The following ZNF667 variants were observed in gnomAD, a reference collection of about 807,000 sequenced individuals.
ZNF667 encodes the protein myocardial ischemic preconditioning upregulated 1 ortholog.
A neutral mutation model predicts 31.8 loss-of-function variants in ZNF667; 13 were observed. The observed-to-expected ratio is 0.41, with a 90% CI of 0.27 to 0.65. ZNF667 has a LOEUF of 0.65. Among genes scored for constraint, ZNF667 ranks in the 30% least tolerant of loss-of-function variants. ZNF667 has a pLI of 0.32. For synonymous variants in ZNF667, 228 were observed against 247.1 expected (o/e 0.92, Z 0.73); for missense variants, 642 against 725.6 (o/e 0.88, Z 1.32).
In ZNF667 at chr19:56,440,057, A is replaced by C. The variant is rs779895681; in HGVS notation, c.*1105T>G. ...CCTCCCAAATGCCTCATTTCCAAGT[A>C]ACATCACATTGATGGTGAGGATTTT... On this transcript the variant is annotated 3_prime_UTR_variant, in exon 7 of 7. Coordinates refer to ENST00000504904, the MANE Select transcript of ZNF667 (RefSeq NM_001321356.2). 2 of 152,190 alleles carry C rather than the reference A, an allele frequency of 1.3e-5. No homozygotes were observed. Among genetic ancestry groups the C allele is most frequent in the Non-Finnish European group, 2.9e-5 (2 of 68,038 alleles). The allele number at this position is 152,190 out of a possible 1,614,324, so 9.4% of individuals were successfully genotyped here.
rs1471749542 is a variant in ZNF667 at position 56,440,783 on chromosome 19, C to G, written c.*379G>C. ...TCTCCAGTAGCTGAGATTACAGGTG[C>G]GCACCACCACGCCCAGCTAATTTTG... On this transcript the variant is annotated 3_prime_UTR_variant, in exon 7 of 7. Coordinates refer to ENST00000504904, the MANE Select transcript of ZNF667 (RefSeq NM_001321356.2). 10 of 538,902 alleles carry G rather than the reference C, an allele frequency of 1.9e-5. No homozygotes were observed. Among genetic ancestry groups the G allele is most frequent in the Non-Finnish European group, 2.5e-5 (10 of 407,424 alleles). The allele number at this position is 538,902 out of a possible 1,614,324, so 33.4% of individuals were successfully genotyped here.
chr19:56,458,198 T>C lies in ZNF667; in HGVS notation c.210A>G (p.Lys70=), dbSNP rs2042972926. Residue 70 remains lysine, a synonymous_variant, in exon 6 of 7, where the codon AAA becomes AAG. Transcript: ENST00000504904. ...TTACTGGCTCTACCATCCAGGGTGC[T>C]TTCCCTTTCTCCAATAAGGTGATCA... is the stretch of plus-strand genomic sequence containing the variant. ...PNVITLLEKG[K]APWMVEPVRR... 2.5e-6 allele frequency: 4 copies of C among 1,614,060 alleles called. No individual in the cohort carries two copies. The highest frequency in any genetic ancestry group is 8.5e-7 in the Non-Finnish European group (1 of 1,180,040).
At position 56,469,236 on chromosome 19, in the gene ZNF667, G is replaced by A. The variant is rs190799179; in HGVS notation, c.-60+2463C>T. On this transcript the variant is annotated intron_variant, in intron 3 of 6. Transcript: ENST00000504904. The stretch of plus-strand genomic sequence containing the variant: ...CTGCCTGCCTCCCTCTTGCACACGT[G>A]CACACACACCCACGCACGCACATCC... Among the ~76,000 whole-genome samples, 7 of 152,288 alleles carry A rather than the reference G, an allele frequency of 4.6e-5. No homozygotes were observed. The East Asian group carries it at 1.2e-3, about 25-fold the overall frequency.
chr19:56,458,121 A>G, intron 6 of ZNF667, 34 bp downstream of exon 6: 1 of 1,575,038 alleles, frequency 6.3e-7, no homozygotes, highest in South Asian at 1.1e-5. Flanking sequence ...GCCCCAGTAG[A>G]CTGAGACATA....
intron 4 of ZNF667, 75 bp from the exon 5 acceptor site, chr19:56,460,890 C>CT: frequency 7.0e-7 from 1 of 1,428,784 alleles, no homozygotes; most frequent in Non-Finnish European, 9.3e-7. Context: ...GTGCACACAT[C>CT]TTAAACATGG....
chr19:56,448,359 G>A (rs573767413), intron 6 of ZNF667, among the ~76,000 whole-genome samples: 1 of 152,264 alleles, frequency 6.6e-6, no homozygotes, highest in East Asian at 1.9e-4. Context: ...CCCCACCACA[G>A]ACTAAAACAC....
chr19:56,454,512 C>G (rs62121594), intron 6 of ZNF667, among the ~76,000 whole-genome samples: 26,495 of 151,116 alleles, frequency 0.18, 2,737 homozygotes, highest in Middle Eastern at 0.29. Flanking sequence ...ATAGAGAACC[C>G]AGAAATAAAT....
intron 3 of ZNF667, among the ~76,000 whole-genome samples, chr19:56,467,462 C>A (rs1008726424): frequency 6.6e-6 from 1 of 152,184 alleles, no homozygotes; most frequent in African/African-American, 2.4e-5. Flanking sequence ...TTTCCACACA[C>A]CAAGCAAGCA....
chr19:56,464,762 G>A (rs1356955758), intron 3 of ZNF667, among the ~76,000 whole-genome samples: 2 of 152,152 alleles, frequency 1.3e-5, no homozygotes, highest in Non-Finnish European at 2.9e-5. Context: ...GGAAAGCAGA[G>A]ACTTTGTTTT....
At chr19:56,470,561 G>A (rs1041065272) in intron 3 of ZNF667, among the ~76,000 whole-genome samples, 4 of 152,088 alleles carry the variant, frequency 2.6e-5, no homozygotes, top group African/African-American at 4.8e-5. Context: ...TCCACAAGCC[G>A]CACACTCTGC....
Position 56,440,640 on chromosome 19 carries a change from A to ATTTTT in ZNF667, c.*517_*521dup. ...CTATGCTGGAAGTAAAATATCGGTA[A>ATTTTT]TTTTTTTTTTTTTTGACACAGAGTC... On this transcript the variant is annotated 3_prime_UTR_variant, in exon 7 of 7. Coordinates refer to ENST00000504904, the MANE Select transcript of ZNF667 (RefSeq NM_001321356.2). The ATTTTT allele has an allele frequency of 1.2e-6, 1 of 834,094 alleles. No homozygotes were observed. The highest frequency in any genetic ancestry group is 1.4e-6 in the Non-Finnish European group (1 of 695,610). The allele number at this position is 834,094 out of a possible 1,614,324, so 51.7% of individuals were successfully genotyped here.
chr19:56,460,356 A>G (rs2043018971), intron 5 of ZNF667, among the ~76,000 whole-genome samples: 1 of 152,186 alleles, frequency 6.6e-6, no homozygotes, highest in African/African-American at 2.4e-5. Context: ...AGGCACAACC[A>G]GAGAGATAGA....
intron 3 of ZNF667, among the ~76,000 whole-genome samples, chr19:56,469,233 C>T (rs1272076002): frequency 6.6e-6 from 1 of 152,214 alleles, no homozygotes; most frequent in Non-Finnish European, 1.5e-5. Flanking sequence ...CTCTTGCACA[C>T]GTGCACACAC....
At chr19:56,443,117 G>A (rs1444712195) in intron 6 of ZNF667, among the ~76,000 whole-genome samples, 1 of 152,118 alleles carries the variant, frequency 6.6e-6, no homozygotes, top group Non-Finnish European at 1.5e-5. Context: ...AGGTAGGAAT[G>A]GGGATTAACT....
intron 3 of ZNF667, among the ~76,000 whole-genome samples, chr19:56,467,220 G>A (rs1454252647): frequency 6.6e-6 from 1 of 152,088 alleles, no homozygotes; most frequent in Non-Finnish European, 1.5e-5. Flanking sequence ...AGGGCACTGT[G>A]GGCATTAGTG....
chr19:56,451,418 C>T (rs1568842769), intron 6 of ZNF667, among the ~76,000 whole-genome samples: 1 of 151,962 alleles, frequency 6.6e-6, no homozygotes. Context: ...ACAAATCATC[C>T]AGACAGAAAA....
At chr19:56,449,508 C>T (rs373501460) in intron 6 of ZNF667, 3 of 262,416 alleles carry the variant, frequency 1.1e-5, no homozygotes, top group East Asian at 2.6e-4. Flanking sequence ...GGTGAAACCC[C>T]GTCTCTACTA....
chr19:56,466,496 T>C (rs1344575624), intron 3 of ZNF667, among the ~76,000 whole-genome samples: 1 of 152,118 alleles, frequency 6.6e-6, no homozygotes, highest in African/African-American at 2.4e-5. Context: ...CTCAGGATGG[T>C]GCCCTGAGCC....
At chr19:56,463,885 AATT>A (rs1463614026) in intron 3 of ZNF667, among the ~76,000 whole-genome samples, 5 of 152,298 alleles carry the variant, frequency 3.3e-5, no homozygotes, top group African/African-American at 1.2e-4. Context: ...TAAAATTTAA[AATT>A]ATTGCTAAAA....
Sources: allele counts gnomAD v4.1 joint callset (sites outside exome capture counted in the v4.1 genomes callset), GRCh38; gene constraint gnomAD v4.1.1; transcripts MANE v1.5; gene names NCBI Gene and HGNC (gene_info 2026-07-23, HGNC 2026-07-21).